The following SAMMSON variants were observed in gnomAD, a reference collection of about 807,000 sequenced individuals.
SAMMSON encodes the protein long intergenic non-protein coding RNA 1212.
intron 4 of SAMMSON, among the ~76,000 whole-genome samples, chr3:70,241,836 G>A (rs1033618916): frequency 2.0e-4 from 30 of 152,314 alleles, no homozygotes; most frequent in Middle Eastern, 3.4e-3. Flanking sequence ...CTCTGATGAA[G>A]TGATTTGCTC....
chr3:70,223,521 G>T (rs564608527), intron 4 of SAMMSON, among the ~76,000 whole-genome samples: 2 of 152,068 alleles, frequency 1.3e-5, no homozygotes, highest in South Asian at 2.1e-4. Flanking sequence ...GGAAACTAGC[G>T]CAGTGCCTCA....
intron 1 of SAMMSON, among the ~76,000 whole-genome samples, chr3:70,011,001 C>G (rs140936022): frequency 6.6e-6 from 1 of 152,084 alleles, no homozygotes; most frequent in Non-Finnish European, 1.5e-5. Flanking sequence ...CCAACCTTGA[C>G]TCATGGGGAT....
intron 2 of SAMMSON, among the ~76,000 whole-genome samples, chr3:70,404,791 C>G (rs1488467551): frequency 6.6e-6 from 1 of 152,158 alleles, no homozygotes; most frequent in Non-Finnish European, 1.5e-5. Context: ...CACTGTATTT[C>G]TACACTGCAA....
chr3:70,167,969 T>A (rs1038998025), intron 4 of SAMMSON, among the ~76,000 whole-genome samples: 3 of 151,954 alleles, frequency 2.0e-5, no homozygotes, highest in Non-Finnish European at 4.4e-5. Flanking sequence ...CGGTTTTGAA[T>A]CTTGGAGAGC....
chr3:70,207,880 C>T (rs1471356605), intron 4 of SAMMSON, among the ~76,000 whole-genome samples: 1 of 152,006 alleles, frequency 6.6e-6, no homozygotes, highest in Non-Finnish European at 1.5e-5. Flanking sequence ...TGAGGGACAA[C>T]TGTATGCATT....
At chr3:70,357,949 T>C (rs904442505) in intron 8 of SAMMSON, among the ~76,000 whole-genome samples, 13 of 152,148 alleles carry the variant, frequency 8.5e-5, no homozygotes, top group African/African-American at 3.1e-4. Context: ...CTTCTCCATC[T>C]TGACTCTTGT....
At chr3:70,170,474 A>G (rs1437622853) in intron 4 of SAMMSON, among the ~76,000 whole-genome samples, 3 of 151,388 alleles carry the variant, frequency 2.0e-5, no homozygotes, top group Non-Finnish European at 2.9e-5. Flanking sequence ...ATCACATAAT[A>G]TTTTTACTTT....
chr3:70,206,701 C>T (rs1701294192), intron 4 of SAMMSON: 1 of 397,796 alleles, frequency 2.5e-6, no homozygotes, highest in Non-Finnish European at 4.4e-6. Context: ...TTGGCTGGTC[C>T]ATCTGTGATA....
chr3:70,168,705 C>T (rs371736431), intron 4 of SAMMSON, among the ~76,000 whole-genome samples: 1 of 151,942 alleles, frequency 6.6e-6, no homozygotes, highest in Non-Finnish European at 1.5e-5. Context: ...ATTAGGCGTA[C>T]GTGGAGTGGA....
At chr3:70,156,573 A>C (rs2106690375) in intron 4 of SAMMSON, among the ~76,000 whole-genome samples, 1 of 152,236 alleles carries the variant, frequency 6.6e-6, no homozygotes, top group East Asian at 1.9e-4. Flanking sequence ...GAATAATGGA[A>C]GGATGTAGGT....
intron 9 of SAMMSON, among the ~76,000 whole-genome samples, chr3:70,372,196 T>A (rs909501157): frequency 2.0e-5 from 3 of 152,178 alleles, no homozygotes; most frequent in Non-Finnish European, 4.4e-5. Context: ...TTGAATTTTA[T>A]CAAATGCTTT....
intron 4 of SAMMSON, among the ~76,000 whole-genome samples, chr3:70,245,805 C>T (rs1701702580): frequency 6.7e-6 from 1 of 149,138 alleles, no homozygotes; most frequent in Admixed American, 6.8e-5. Context: ...AAAATGTGCT[C>T]TTCCTGTCAC....
At chr3:70,309,317 A>ATTCCTCCTT (rs1702435197) in intron 7 of SAMMSON, among the ~76,000 whole-genome samples, 1 of 152,202 alleles carries the variant, frequency 6.6e-6, no homozygotes, top group Admixed American at 6.5e-5. Context: ...TGTTGTAGGT[A>ATTCCTCCTT]TTAAAAGGAG....
At chr3:70,379,024 TTTA>T (rs1703044002) in intron 9 of SAMMSON, among the ~76,000 whole-genome samples, 1 of 140,636 alleles carries the variant, frequency 7.1e-6, no homozygotes. Context: ...TATTTATTTA[TTTA>T]TTTTAAGACG....
At chr3:70,363,844 G>A (rs1236854870) in intron 9 of SAMMSON, among the ~76,000 whole-genome samples, 1 of 151,188 alleles carries the variant, frequency 6.6e-6, no homozygotes, top group African/African-American at 2.4e-5. Flanking sequence ...CAGAGAGAGA[G>A]TGTGAATTAT....
At chr3:70,391,705 C>T (rs1335454451), downstream of SAMMSON, among the ~76,000 whole-genome samples, 1 of 152,004 alleles carries the variant, frequency 6.6e-6, no homozygotes, top group Admixed American at 6.6e-5. Context: ...TTTTGTCAGA[C>T]TCATTTGTTT....
In SAMMSON at chr3:70,017,728, A is replaced by G. The variant is rs550501009; in HGVS notation, n.417+4056A>G. 7.2e-5 allele frequency among the ~76,000 whole-genome samples: 11 copies of G among 152,232 alleles called. No individual in the cohort carries two copies. The East Asian group carries it at 2.1e-3, about 29-fold the overall frequency. ...TGATATTGGCTGTGGGTTTGTCATA[A>G]ATAGCTCTTATTATTTTGAGAAACA... On this transcript the variant is annotated intron_variant and non_coding_transcript_variant, in intron 3 of 9. Transcript: ENST00000642114.
At chr3:70,080,925 T>A (rs1006543164) in intron 4 of SAMMSON, among the ~76,000 whole-genome samples, 1 of 152,162 alleles carries the variant, frequency 6.6e-6, no homozygotes, top group African/African-American at 2.4e-5. Context: ...GGGCCTATAG[T>A]TCACTCCATG....
intron 4 of SAMMSON, among the ~76,000 whole-genome samples, chr3:70,091,454 T>C (rs1363634264): frequency 6.6e-6 from 1 of 152,188 alleles, no homozygotes; most frequent in African/African-American, 2.4e-5. Flanking sequence ...ATCTGACTGC[T>C]GCAGCCAAAA....
Sources: allele counts gnomAD v4.1 joint callset (sites outside exome capture counted in the v4.1 genomes callset), GRCh38; gene constraint gnomAD v4.1.1; transcripts MANE v1.5; gene names NCBI Gene and HGNC (gene_info 2026-07-23, HGNC 2026-07-21).